MUC17: variants seen among roughly 807,000 people sequenced by gnomAD.
MUC17 encodes the protein mucin 17, cell surface associated.
A neutral mutation model predicts 170.3 loss-of-function variants in MUC17; 190 were observed. The ratio of observed to expected loss-of-function variants is 1.12; its 90% CI spans 0.99 to 1.26. MUC17 has a LOEUF of 1.26. Among genes scored for constraint, MUC17 ranks in the 50% most tolerant of loss-of-function variants. MUC17 has a pLI of 0.00. For missense variants in MUC17, 6,415 were observed against 5,530.0 expected, an observed-to-expected ratio of 1.16 and a Z score of -5.08; for synonymous variants, 2,325 against 2,002.5, an observed-to-expected ratio of 1.16 and a Z score of -4.30.
At position 101,039,249 on chromosome 7, in the gene MUC17, C is replaced by T. The variant is rs1374757047; in HGVS notation, c.7833C>T (p.Thr2611=). The T allele has an allele frequency of 6.2e-7, 1 of 1,613,594 alleles. No individual in the cohort carries two copies. The highest frequency in any genetic ancestry group is 8.5e-7 in the Non-Finnish European group (1 of 1,179,946). The part of the protein sequence containing the change: ...TSIPVTTSTE[T]SSSPTTAKDT... ...TACCTGTCACCACTTCTACTGAAAC[C>T]AGTTCATCTCCTACAACTGCAAAAG... The change falls in exon 3 of 13, where the codon ACC becomes ACT. Residue 2611 remains threonine, a synonymous_variant. Coordinates refer to ENST00000306151, the MANE Select transcript of MUC17 (RefSeq NM_001040105.2).
At position 101,037,441 on chromosome 7, in the gene MUC17, C is replaced by G. The variant is rs143504281; in HGVS notation, c.6025C>G (p.Pro2009Ala). The change falls in exon 3 of 13, where the codon CCT becomes GCT. Residue 2009 changes from proline to alanine, a missense_variant. Transcript: ENST00000306151. ...SSEASTLSTTPVDTSTPATTS... is the reference protein window; with the variant it reads ...SSEASTLSTTAVDTSTPATTS... The stretch of plus-strand genomic sequence containing the variant: ...TGAGGCTAGCACTCTTTCCACAACT[C>G]CTGTTGACACCAGCACTCCTGCCAC... 6.2e-7 allele frequency: 1 copy of G among 1,611,200 alleles called. No homozygotes were observed. Among genetic ancestry groups the G allele is most frequent in the African/African-American group, 1.3e-5 (1 of 74,914 alleles).
At chr7:101,021,576 C>A (rs1794082726) in intron 1 of MUC17, among the ~76,000 whole-genome samples, 1 of 151,948 alleles carries the variant, frequency 6.6e-6, no homozygotes, top group Admixed American at 6.6e-5. Context: ...TCTTCTTCTC[C>A]CCACCTCTCC....
rs374482856 is a variant in MUC17 at position 101,035,499 on chromosome 7, T to G, written c.4083T>G (p.Pro1361=). The G allele has an allele frequency of 6.3e-7, 1 of 1,599,668 alleles. No homozygotes were observed. Among genetic ancestry groups the G allele is most frequent in the Non-Finnish European group, 8.5e-7 (1 of 1,171,868 alleles). ...CAATCAGCATCCTTTCAACAACTCC[T>G]GTTGACAACAGCACACCTGTGACCA... ...SSAISILSTT[P]VDNSTPVTTS... is the part of the protein sequence containing the mutation. The change falls in exon 3 of 13, where the codon CCT becomes CCG. Residue 1361 remains proline (P), a synonymous_variant. Transcript: ENST00000306151.
At chr7:101,047,438 G>A (rs1250514139) in intron 3 of MUC17, among the ~76,000 whole-genome samples, 1 of 152,134 alleles carries the variant, frequency 6.6e-6, no homozygotes, top group Non-Finnish European at 1.5e-5. Context: ...CCATCGGGAC[G>A]TGGCTTAGCC....
Position 101,036,058 on chromosome 7 carries a change from T to G in MUC17, c.4642T>G (p.Tyr1548Asp). The G allele has an allele frequency of 6.2e-7, 1 of 1,612,228 alleles. No individual in the cohort carries two copies. The highest frequency in any genetic ancestry group is 1.1e-5 in the South Asian group (1 of 90,880). The change falls in exon 3 of 13, where the codon TAT becomes GAT. Residue 1548 changes from tyrosine (Y) to aspartate (D), a missense_variant. Coordinates refer to ENST00000306151, the MANE Select transcript of MUC17 (RefSeq NM_001040105.2). ...PAVTSTPVTT[Y>D]SQASSSPTTA... is the part of the protein sequence containing the mutation. ...TGTCACCAGCACACCTGTGACCACT[T>G]ATTCTCAAGCCAGTTCATCTCCTAC...
At position 101,020,185 on chromosome 7, in the gene MUC17, C is replaced by T. The variant is rs143525513; in HGVS notation, c.50C>T (p.Ser17Leu). The change falls in exon 1 of 13, where the codon TCG (serine) becomes TTG (leucine). Residue 17 changes from serine (S) to leucine (L), a missense_variant. Coordinates refer to ENST00000306151, the MANE Select transcript of MUC17 (RefSeq NM_001040105.2). ...MALCLLTLVLSLLPPQAAAEQ... is the reference protein window; with the variant it reads ...MALCLLTLVLLLLPPQAAAEQ... ...CTGTGTCTGCTGACCTTGGTCCTCTCGCTCTTGCCCCCACAAGCTGCTGCA... is the reference window on the plus strand; with the variant it reads ...CTGTGTCTGCTGACCTTGGTCCTCTTGCTCTTGCCCCCACAAGCTGCTGCA... 119 of 1,609,736 alleles carry T rather than the reference C, an allele frequency of 7.4e-5. No individual in the cohort carries two copies. The highest frequency in any genetic ancestry group is 9.5e-5 in the Non-Finnish European group (112 of 1,178,172).
At chr7:101,053,964 G>A (rs1467356160) in intron 11 of MUC17, among the ~76,000 whole-genome samples, 1 of 149,518 alleles carries the variant, frequency 6.7e-6, no homozygotes, top group African/African-American at 2.5e-5. Context: ...TGAGGCTGAG[G>A]CAGGAGAATT....
chr7:101,056,824 C>A (rs1397470882), intron 12 of MUC17, among the ~76,000 whole-genome samples: 2 of 151,522 alleles, frequency 1.3e-5, no homozygotes, highest in African/African-American at 4.9e-5. Flanking sequence ...TTCCAATTAG[C>A]CCAAGGACAT....
intron 7 of MUC17, among the ~76,000 whole-genome samples, chr7:101,051,364 CAAAAAAAAAAAAAA>C (rs398005597): frequency 1.9e-5 from 1 of 52,138 alleles, no homozygotes. Flanking sequence ...TACTCCATCT[CAAAAAAAAAAAAAA>C]AAAAAAAAAA....
At chr7:101,023,583 T>C (rs1419221847) in intron 1 of MUC17, among the ~76,000 whole-genome samples, 1 of 152,100 alleles carries the variant, frequency 6.6e-6, no homozygotes, top group Non-Finnish European at 1.5e-5. Context: ...TTTTGTATTT[T>C]CAGTAGAGAC....
intron 9 of MUC17, among the ~76,000 whole-genome samples, chr7:101,052,178 T>C (rs1485981670): frequency 6.6e-6 from 1 of 152,130 alleles, no homozygotes; most frequent in African/African-American, 2.4e-5. Flanking sequence ...CCTAACCATG[T>C]CCTCTCTGTG....
At chr7:101,024,094 T>G (rs1794140364) in intron 1 of MUC17, among the ~76,000 whole-genome samples, 1 of 149,654 alleles carries the variant, frequency 6.7e-6, no homozygotes, top group African/African-American at 2.4e-5. Flanking sequence ...GCAGGCTTTC[T>G]TTTTTTTTTA....
Position 101,035,124 on chromosome 7 carries a change from T to G in MUC17, c.3708T>G (p.Ala1236=). The change falls in exon 3 of 13, where the codon GCT becomes GCG. Residue 1236 remains alanine, a synonymous_variant. Coordinates refer to ENST00000306151, the MANE Select transcript of MUC17 (RefSeq NM_001040105.2). The stretch of plus-strand genomic sequence containing the variant: ...ACACGCCAGTGGCCAGTTCTGAGGC[T>G]AGCACCCTTTCAACATCTCCCGTTG... ...VRHTPVASSE[A]STLSTSPVDT... 6.3e-7 allele frequency: 1 copy of G among 1,597,184 alleles called. No homozygotes were observed. Among genetic ancestry groups the G allele is most frequent in the Non-Finnish European group, 8.6e-7 (1 of 1,166,586 alleles).
In MUC17 at chr7:101,051,999, C is replaced by T. The variant is rs145638415; in HGVS notation, c.13103+37C>T. ...CCCATCTCCTCCAGCCCAGCCCAGA[C>T]GTCCTGGTCCTCCCCTCCCCTGCAG... On this transcript the variant is annotated intron_variant, in intron 9 of 12. Transcript: ENST00000306151. 2.6e-4 allele frequency: 419 copies of T among 1,587,452 alleles called. 1 individual carries two copies. The East Asian group carries it at 6.0e-3, about 23-fold the overall frequency.
intron 12 of MUC17, among the ~76,000 whole-genome samples, 174 bp from the exon 13 acceptor site, chr7:101,057,829 G>A (rs1275840340): frequency 6.6e-6 from 1 of 152,086 alleles, no homozygotes; most frequent in African/African-American, 2.4e-5. Context: ...ATGGTGAGCC[G>A]TGATTGTGCC....
rs910980016 is a variant in MUC17, at chr7:101,043,896, T to C, written c.12403+77T>C. 3 of 1,377,240 alleles carry C rather than the reference T, an allele frequency of 2.2e-6. No homozygotes were observed. In the South Asian group the frequency reaches 4.1e-5, roughly 19 times the overall value. 85.3% of individuals were successfully genotyped at this position (1,377,240 alleles called of 1,614,324 possible). Reference sequence around the variant, plus strand: ...AGGGTACATGTGCACAACGTGCAGGTTTGTTACCTATGTATACGTGTGCCA... The same window carrying C: ...AGGGTACATGTGCACAACGTGCAGGCTTGTTACCTATGTATACGTGTGCCA... On this transcript the variant is annotated intron_variant, in intron 3 of 12. Transcript: ENST00000306151.
rs749966716 is a variant in MUC17, at chr7:101,036,563, A to G, written c.5147A>G (p.Asp1716Gly). Residue 1716 changes from aspartate (D) to glycine (G), a missense_variant, in exon 3 of 13, where the codon GAC becomes GGC. Asp to Gly is a moderately conservative substitution (Grantham distance 94, BLOSUM62 -1). Transcript: ENST00000306151. ...AGCACCCTTTCAACAACTCCCGTTG[A>G]CAACAGCACACCTGTGACCACTTCT... Reference protein sequence around the residue: ...AISTLSTTPVDNSTPVTTSTE... With the variant: ...AISTLSTTPVGNSTPVTTSTE... 8.1e-6 allele frequency: 13 copies of G among 1,611,326 alleles called. No individual in the cohort carries two copies. The highest frequency in any genetic ancestry group is 3.3e-4 in the Middle Eastern group (2 of 6,062).
chr7:101,049,073 C>G (rs990543910), intron 5 of MUC17, 101 bp downstream of exon 5: 83 of 1,544,726 alleles, frequency 5.4e-5, no homozygotes, highest in Non-Finnish European at 6.4e-5. Context: ...GTTAGATGTG[C>G]GGGAGTTCTC....
rs747649024 is a variant in MUC17 at position 101,032,899 on chromosome 7, A to G, written c.1483A>G (p.Thr495Ala). 4.3e-6 allele frequency: 7 copies of G among 1,613,548 alleles called. No homozygotes were observed. Among genetic ancestry groups the G allele is most frequent in the Non-Finnish European group, 5.1e-6 (6 of 1,179,924 alleles). The change falls in exon 3 of 13, where the codon ACT becomes GCT. Residue 495 changes from threonine to alanine, a missense_variant. Thr to Ala is a moderately conservative substitution (Grantham distance 58, BLOSUM62 0). Transcript: ENST00000306151. ...TSTEASSSPP[T>A]AEVNSMPTST... ...TACTGAAGCCAGTTCATCTCCTCCAACTGCTGAAGTTAACAGCATGCCAAC... is the reference window on the plus strand; with the variant it reads ...TACTGAAGCCAGTTCATCTCCTCCAGCTGCTGAAGTTAACAGCATGCCAAC...
Sources: gnomAD v4.1 joint callset for allele counts (sites outside exome capture counted in the v4.1 genomes callset) on GRCh38, gnomAD v4.1.1 for gene constraint, MANE v1.5 for transcripts, NCBI Gene and HGNC (gene_info 2026-07-23, HGNC 2026-07-21) for gene names.